Variants in PDE1A observed in about 807,000 individuals in gnomAD.
PDE1A encodes dual specificity calcium/calmodulin-dependent 3',5'-cyclic nucleotide phosphodiesterase 1A.
A neutral mutation model predicts 61.7 loss-of-function variants in PDE1A; 35 were observed. That is an observed-to-expected ratio of 0.57 (90% CI 0.43 to 0.75). The LOEUF (loss-of-function observed/expected upper bound fraction) is 0.75. Among genes scored for constraint, PDE1A ranks in the 30% least tolerant of loss-of-function variants. The pLI, the probability that PDE1A is intolerant of heterozygous loss-of-function variation, is 0.00. For synonymous variants in PDE1A, 232 were observed against 213.2 expected (o/e 1.09, Z -0.77); for missense variants, 597 against 630.6 (o/e 0.95, Z 0.57).
chr2:182,200,932 A>G (rs1404470981), intron 10 of PDE1A, among the ~76,000 whole-genome samples: 1 of 152,242 alleles, frequency 6.6e-6, no homozygotes, highest in African/African-American at 2.4e-5. Flanking sequence ...CTTGTGGCAG[A>G]GAACGCCAGT....
At chr2:182,212,087 T>A (rs1425278498) in intron 7 of PDE1A, among the ~76,000 whole-genome samples, 2 of 152,146 alleles carry the variant, frequency 1.3e-5, no homozygotes, top group Non-Finnish European at 2.9e-5. Context: ...GTTCACAATC[T>A]TAGTGGGAAA....
chr2:182,499,660 C>T (rs1688970024), intron 2 of PDE1A, among the ~76,000 whole-genome samples: 1 of 152,174 alleles, frequency 6.6e-6, no homozygotes, highest in African/African-American at 2.4e-5. Context: ...AGTTAAAAGG[C>T]AATGAACTGG....
intron 7 of PDE1A, among the ~76,000 whole-genome samples, chr2:182,210,899 T>A (rs912557840): frequency 3.3e-4 from 25 of 75,358 alleles, no homozygotes; most frequent in African/African-American, 1.2e-3. Context: ...GGGTAATTTA[T>A]CAAAAAAAAA....
At position 182,458,973 on chromosome 2, in the gene PDE1A, G is replaced by A. The variant is rs1686097686; in HGVS notation, c.101+63303C>T. Among the ~76,000 whole-genome samples the A allele has an allele frequency of 2.0e-5, 3 of 151,838 alleles. No homozygotes were observed. The South Asian group carries it at 6.2e-4, about 32-fold the overall frequency. On this transcript the variant is annotated intron_variant, in intron 2 of 14. Transcript: ENST00000410103. ...CTTAAGCTTATCAATATCTTCTCTT[G>A]TTCTTTTTTATTCTTACACAATATA...
chr2:182,627,203 T>G, the PDE1A span, among the ~76,000 whole-genome samples: 7 of 80,972 alleles, frequency 8.6e-5, no homozygotes, highest in African/African-American at 1.0e-4. Context: ...ATTATATTAT[T>G]TATATATAAA....
At chr2:182,156,689 A>T (rs1169947335) in intron 13 of PDE1A, among the ~76,000 whole-genome samples, 4 of 152,182 alleles carry the variant, frequency 2.6e-5, no homozygotes, top group African/African-American at 9.7e-5. Flanking sequence ...AAGAAATAAG[A>T]TTATCTTTTT....
intron 2 of PDE1A, among the ~76,000 whole-genome samples, chr2:182,502,534 T>G (rs1689145260): frequency 6.6e-6 from 1 of 152,212 alleles, no homozygotes; most frequent in African/African-American, 2.4e-5. Flanking sequence ...AATGTATGTG[T>G]TCAGCCCTGA....
chr2:182,583,113 C>T, the PDE1A span, among the ~76,000 whole-genome samples: 1 of 152,236 alleles, frequency 6.6e-6, no homozygotes, highest in East Asian at 1.9e-4. Flanking sequence ...CACCTGCTCT[C>T]CTCTTCAAAA....
At position 182,253,909 on chromosome 2, in the gene PDE1A, T is replaced by C. The variant is rs540494646; in HGVS notation, c.167+10392A>G. ...AGAAAGAATATAAGTATCTAATTTA[T>C]AGGCATTTTTGAGAATTATATGAAA... On this transcript the variant is annotated intron_variant, in intron 2 of 13. Transcript: ENST00000351439. Among the ~76,000 whole-genome samples, 16 of 152,348 alleles carry C rather than the reference T, an allele frequency of 1.1e-4. No homozygotes were observed. The South Asian group carries it at 2.7e-3, about 26-fold the overall frequency.
intron 1 of PDE1A, among the ~76,000 whole-genome samples, chr2:182,356,891 T>C (rs549115100): frequency 2.6e-5 from 4 of 152,186 alleles, no homozygotes; most frequent in African/African-American, 9.6e-5. Flanking sequence ...GGGACATGGA[T>C]GAAGCTGGAA....
chr2:182,460,671 G>C (rs1686224746), intron 2 of PDE1A, among the ~76,000 whole-genome samples: 1 of 152,102 alleles, frequency 6.6e-6, no homozygotes, highest in Non-Finnish European at 1.5e-5. Context: ...GATTAAGTAT[G>C]CATAAACAAG....
At chr2:182,168,370 T>A (rs1363197313) in intron 13 of PDE1A, 1 of 1,282,354 alleles carries the variant, frequency 7.8e-7, no homozygotes, top group East Asian at 2.4e-5. Flanking sequence ...GTAATTCTCA[T>A]TTATAATCAG....
At chr2:182,211,255 C>A (rs768384388) in intron 7 of PDE1A, among the ~76,000 whole-genome samples, 4 of 152,148 alleles carry the variant, frequency 2.6e-5, no homozygotes, top group African/African-American at 9.7e-5. Context: ...CGTGTTAGCA[C>A]CATTTATTGA....
At chr2:182,498,767 A>G (rs1688884058) in intron 2 of PDE1A, among the ~76,000 whole-genome samples, 1 of 151,782 alleles carries the variant, frequency 6.6e-6, no homozygotes, top group South Asian at 2.1e-4. Context: ...ACACGGTGAA[A>G]CCCCGTCTTT....
chr2:182,194,086 C>T (rs1232050292), intron 10 of PDE1A, among the ~76,000 whole-genome samples: 2 of 152,064 alleles, frequency 1.3e-5, no homozygotes, highest in African/African-American at 4.8e-5. Flanking sequence ...AAATAACTTG[C>T]ATTTCTAATT....
chr2:182,537,549 A>AT, the PDE1A span, among the ~76,000 whole-genome samples: 2 of 152,134 alleles, frequency 1.3e-5, no homozygotes, highest in African/African-American at 4.8e-5. Flanking sequence ...CCTAATGTAG[A>AT]TGACAGGTTG....
At chr2:182,249,481 C>T (rs1691234150) in intron 2 of PDE1A, among the ~76,000 whole-genome samples, 1 of 152,038 alleles carries the variant, frequency 6.6e-6, no homozygotes, top group Non-Finnish European at 1.5e-5. Context: ...TTGTCAGGCC[C>T]CCTGAAGTGG....
At chr2:182,375,903 G>A (rs762620639) in intron 1 of PDE1A, among the ~76,000 whole-genome samples, 28 of 152,234 alleles carry the variant, frequency 1.8e-4, no homozygotes, top group Non-Finnish European at 2.9e-5. Context: ...CCAAGGGGTG[G>A]CTTGCACCCA....
intron 2 of PDE1A, among the ~76,000 whole-genome samples, chr2:182,512,538 A>C (rs888277757): frequency 6.6e-6 from 1 of 152,176 alleles, no homozygotes; most frequent in Non-Finnish European, 1.5e-5. Context: ...CAACTCACAA[A>C]TCTAGTGTCT....
Sources: gnomAD v4.1 joint callset for allele counts (sites outside exome capture counted in the v4.1 genomes callset) on GRCh38, gnomAD v4.1.1 for gene constraint, MANE v1.5 for transcripts, NCBI Gene and HGNC (gene_info 2026-07-23, HGNC 2026-07-21) for gene names.